Variants in PNPLA6 observed in about 807,000 individuals in gnomAD.
PNPLA6 encodes patatin-like phospholipase domain-containing protein 6.
Under a neutral mutation model 153.7 loss-of-function variants are expected in PNPLA6, and 105 were observed. The observed-to-expected ratio is 0.68, with a 90% CI of 0.58 to 0.80. The LOEUF (loss-of-function observed/expected upper bound fraction) is 0.80, where lower values mean the gene tolerates loss of function less well. Among genes scored for constraint, PNPLA6 ranks in the 30% least tolerant of loss-of-function variants. The probability of loss-of-function intolerance (pLI) is 0.00; values close to 1 mark genes in which losing one functional copy is unlikely to be tolerated. For synonymous variants in PNPLA6, 825 were observed against 822.2 expected (o/e 1.00, Z -0.06); for missense variants, 1,423 against 1,919.3 (o/e 0.74, Z 4.83).
chr19:7,541,013 T>C lies in PNPLA6; in HGVS notation c.886T>C (p.Phe296Leu). 1 of 1,611,196 alleles carries C rather than the reference T, an allele frequency of 6.2e-7. No individual in the cohort carries two copies. Among genetic ancestry groups the C allele is most frequent in the Non-Finnish European group, 8.5e-7 (1 of 1,179,324 alleles). The change falls in exon 7 of 32, where the codon TTC becomes CTC. Residue 296 changes from phenylalanine to leucine, a missense_variant. Physicochemically the swap from Phe to Leu is conservative, Grantham distance 22. Transcript: ENST00000600737. The surrounding 1 kb of genome is among the most constrained non-coding windows in gnomAD (Gnocchi z 5.2). ...GCCGGTGGAAGCATTCTCCGCGGTC[T>C]TCACCAAGTACCCGGAGAGCTTGGT... Reference protein sequence around the residue: ...RLPVEAFSAVFTKYPESLVRV... With the variant: ...RLPVEAFSAVLTKYPESLVRV...
rs200676307 is a variant in PNPLA6, at chr19:7,536,286, C to G, written c.315+13C>G. The G allele has an allele frequency of 3.7e-6, 6 of 1,600,360 alleles. No individual in the cohort carries two copies. The African/African-American group carries it at 8.0e-5, about 21-fold the overall frequency. On this transcript the variant is annotated intron_variant, in intron 2 of 31. Coordinates refer to ENST00000600737, the MANE Select transcript of PNPLA6 (RefSeq NM_001166114.2). ...GATTATGCGGAAGGTGAGTCCGGGACCCCTGGGGTCCGCCCTGACCACACA... is the reference window on the plus strand; with the variant it reads ...GATTATGCGGAAGGTGAGTCCGGGAGCCCTGGGGTCCGCCCTGACCACACA...
At position 7,541,398 on chromosome 19, in the gene PNPLA6, C is replaced by T. The variant is rs755571207; in HGVS notation, c.969C>T (p.His323=). Residue 323 remains histidine, a synonymous_variant, in exon 8 of 32, where the codon CAC becomes CAT. Coordinates refer to ENST00000600737, the MANE Select transcript of PNPLA6 (RefSeq NM_001166114.2). This position sits in a 1 kb window ranked among gnomAD's most constrained non-coding sequence, Gnocchi z 5.2. ...RLQRVTFLAL[H]NYLGLTNELF... The stretch of plus-strand genomic sequence containing the variant: ...AGCGAGTCACCTTCCTGGCACTGCA[C>T]AACTACCTGGGTCTGACCAATGAGC... 1.2e-6 allele frequency: 2 copies of T among 1,614,020 alleles called. No homozygotes were observed. Among genetic ancestry groups the T allele is most frequent in the South Asian group, 2.2e-5 (2 of 91,084 alleles).
At chr19:7,539,806 G>C (rs1380085457) in intron 3 of PNPLA6, 112 bp from the exon 4 acceptor site, 1 of 686,062 alleles carries the variant, frequency 1.5e-6, no homozygotes, top group Non-Finnish European at 2.5e-6. Flanking sequence ...TTGGCCAGCG[G>C]GCCAGAGTTT....
chr19:7,551,154 G>A, intron 17 of PNPLA6, 47 bp downstream of exon 17: 1 of 1,223,562 alleles, frequency 8.2e-7, no homozygotes, highest in East Asian at 2.5e-5. Context: ...CGGGACTCCG[G>A]GGGGGTGGGG....
intron 26 of PNPLA6, 182 bp downstream of exon 26, chr19:7,556,906 T>G: frequency 2.9e-6 from 2 of 693,410 alleles, no homozygotes; most frequent in East Asian, 5.4e-5. Context: ...CGTCCGTCCT[T>G]GGGGGAGGGG....
intron 16 of PNPLA6, 28 bp from the exon 17 acceptor site, chr19:7,550,966 A>T (rs1285368246): frequency 2.7e-6 from 4 of 1,471,212 alleles, no homozygotes; most frequent in Non-Finnish European, 3.7e-6. Flanking sequence ...CCACCCAAGC[A>T]GCCCCAATCA....
intron 20 of PNPLA6, 123 bp from the exon 21 acceptor site, chr19:7,554,432 C>T (rs2023781586): frequency 7.8e-7 from 1 of 1,281,392 alleles, no homozygotes; most frequent in African/African-American, 1.5e-5. Flanking sequence ...CCCACCGGAG[C>T]ACGGACTTCC....
chr19:7,549,978 C>T lies in PNPLA6; in HGVS notation c.1680C>T (p.Asp560=), dbSNP rs761103593. ...VYQRMIDKAE[D]VCLFVAQPGE... ...AGCGCATGATCGACAAGGCGGAGGA[C>T]GTGTGCCTGTTCGTAGCGCAGCCCG... Residue 560 remains aspartate, a synonymous_variant, in exon 14 of 32, where the codon GAC becomes GAT. Transcript: ENST00000600737. 73 of 1,613,828 alleles carry T rather than the reference C, an allele frequency of 4.5e-5. No individual in the cohort carries two copies. The East Asian group carries it at 1.2e-3, about 28-fold the overall frequency.
intron 20 of PNPLA6, 74 bp from the exon 21 acceptor site, chr19:7,554,481 G>T: frequency 6.5e-7 from 1 of 1,544,746 alleles, no homozygotes. Flanking sequence ...TCCCAGCAAC[G>T]GAGCTATGTG....
chr19:7,538,796 T>C (rs2022990769), intron 3 of PNPLA6, among the ~76,000 whole-genome samples: 1 of 152,218 alleles, frequency 6.6e-6, no homozygotes, highest in Non-Finnish European at 1.5e-5. Context: ...TCTTCTCATA[T>C]ATTGGAAGCT....
rs2023894398 is a variant in PNPLA6, at chr19:7,556,712, G to A, written c.3268G>A (p.Val1090Ile). 1 of 1,613,262 alleles carries A rather than the reference G, an allele frequency of 6.2e-7. No homozygotes were observed. The highest frequency in any genetic ancestry group is 2.2e-5 in the East Asian group (1 of 44,872). The change falls in exon 26 of 32, where the codon GTC becomes ATC. Residue 1090 changes from valine (V) to isoleucine (I), a missense_variant. Val to Ile is a conservative substitution (Grantham distance 29). This residue lies in a region of PNPLA6 where 643 missense variants were observed against 835.2 expected (regional missense o/e 0.77). Coordinates refer to ENST00000600737, the MANE Select transcript of PNPLA6 (RefSeq NM_001166114.2). ...AGATATCACCGCCTCAGCCATGCGA[G>A]TCCACAAAGATGGTGGGTGTCCCCG... ...TTDITASAMR[V>I]HKDGSLWRYV...
rs1310589378 is a variant in PNPLA6, at chr19:7,551,097, G to T, written c.2174G>T (p.Arg725Leu). The T allele has an allele frequency of 1.3e-6, 2 of 1,546,174 alleles. No homozygotes were observed. Among genetic ancestry groups the T allele is most frequent in the East Asian group, 2.4e-5 (1 of 40,872 alleles). ...GGCACCTTGGGTCACATCAAACGCC[G>T]GTACCCGCAGGTGCGGCCTGTTGTG... ...PEGTLGHIKRRYPQVVTRLIH... is the reference protein window; with the variant it reads ...PEGTLGHIKRLYPQVVTRLIH... Residue 725 changes from arginine to leucine, a missense_variant, in exon 17 of 32, where the codon CGG becomes CTG. Arg to Leu is a moderately radical substitution (Grantham distance 102). Around this residue, in one of 10 missense-constraint regions of PNPLA6, gnomAD observed 63 missense variants for 166.2 expected, o/e 0.38. Coordinates refer to ENST00000600737, the MANE Select transcript of PNPLA6 (RefSeq NM_001166114.2).
At chr19:7,544,285 T>A (rs1194925665) in intron 13 of PNPLA6, among the ~76,000 whole-genome samples, 1 of 152,060 alleles carries the variant, frequency 6.6e-6, no homozygotes, top group African/African-American at 2.4e-5. Context: ...CTACTTTTTA[T>A]ATTTTTAGTA....
chr19:7,557,516 G>GCTCAGCCTGGAATCCCA (rs1008310605), intron 27 of PNPLA6: 1 of 565,512 alleles, frequency 1.8e-6, no homozygotes, highest in African/African-American at 1.8e-5. Context: ...AGGCGCGGTG[G>GCTCAGCCTGGAATCCCA]CTCAGCCTGG....
chr19:7,549,051 C>T (rs1354064444), intron 13 of PNPLA6, among the ~76,000 whole-genome samples: 1 of 151,314 alleles, frequency 6.6e-6, no homozygotes, highest in Admixed American at 6.6e-5. Flanking sequence ...ATCCGCCTGC[C>T]TCAGGCCTCC....
chr19:7,534,624 A>C (rs2022755717), upstream of PNPLA6: 1 of 152,806 alleles, frequency 6.5e-6, no homozygotes, highest in African/African-American at 2.4e-5. Context: ...TAAGCACCCC[A>C]GGAATGTGCC....
intron 30 of PNPLA6, 27 bp from the exon 31 acceptor site, chr19:7,561,181 C>T (rs151127582): frequency 4.4e-6 from 7 of 1,592,660 alleles, no homozygotes; most frequent in Non-Finnish European, 6.0e-6. Flanking sequence ...CCAATCCCCT[C>T]ACCTGTGCCC....
At chr19:7,551,196 A>AG (rs896385775) in intron 17 of PNPLA6, 89 bp downstream of exon 17, 4 of 112,930 alleles carry the variant, frequency 3.5e-5, no homozygotes, top group Admixed American at 1.3e-4. Context: ...GGGCTTACAG[A>AG]GGGGCGGGGT....
Position 7,541,638 on chromosome 19 carries a change from A to AG in PNPLA6, c.1125dup (p.Arg376AlafsTer57). On this transcript the variant is annotated frameshift_variant, in exon 9 of 32. Transcript: ENST00000600737. LOFTEE classifies it high-confidence loss of function. This position sits in a 1 kb window ranked among gnomAD's most constrained non-coding sequence, Gnocchi z 5.2. ...CTACAGACGAGCCCAGGGAGACCCC[A>AG]GGGCGGCCACCCGATCCCACCGGGG... 1 of 1,586,798 alleles carries AG rather than the reference A, an allele frequency of 6.3e-7. No individual in the cohort carries two copies. Among genetic ancestry groups the AG allele is most frequent in the South Asian group, 1.1e-5 (1 of 87,914 alleles).
Sources: allele counts gnomAD v4.1 joint callset (sites outside exome capture counted in the v4.1 genomes callset), GRCh38; gene constraint gnomAD v4.1.1; regional missense constraint gnomAD v4.1.1; non-coding constraint Gnocchi (gnomAD v3.1); transcripts MANE v1.5; gene names NCBI Gene and HGNC (gene_info 2026-07-23, HGNC 2026-07-21).